Variants in MYH10 observed in about 807,000 individuals in gnomAD.
The protein encoded by MYH10 is myosin-10.
MYH10 carries 55 observed loss-of-function variants against 257.8 expected under a neutral mutation model. The ratio of observed to expected loss-of-function variants is 0.21; its 90% confidence interval spans 0.17 to 0.27. The LOEUF is 0.27. Ranked by LOEUF, MYH10 falls within the 10% of genes least tolerant of loss-of-function variation. The pLI, the probability that MYH10 is intolerant of heterozygous loss-of-function variation, is 1.00. For synonymous variants in MYH10, 854 were observed against 921.7 expected (o/e 0.93, Z 1.33); for missense variants, 1,631 against 2,500.6 (o/e 0.65, Z 7.42).
In MYH10 at chr17:8,513,888, A is replaced by T. The variant is rs2081377296; in HGVS notation, c.2511T>A (p.Phe837Leu). The T allele has an allele frequency of 6.2e-7, 1 of 1,613,712 alleles. No individual in the cohort carries two copies. The highest frequency in any genetic ancestry group is 1.3e-5 in the African/African-American group (1 of 74,934). The change falls in exon 22 of 43, where the codon TTT becomes TTA. Residue 837 changes from phenylalanine to leucine, a missense_variant. By Grantham distance (22) the Phe-to-Leu change is conservative. Around this residue, in one of 11 missense-constraint regions of MYH10, gnomAD observed 116 missense variants for 221.6 expected, o/e 0.52. Coordinates refer to ENST00000360416, the MANE Select transcript of MYH10 (RefSeq NM_001256012.3). The stretch of plus-strand genomic sequence containing the variant: ...CACTTAGTTGCTGCTGCTTCTTGGC[A>T]AAGGCCCTGAAGAACAATAAGAAAA... ...VCRGYLARKA[F>L]AKKQQQLSAL...
chr17:8,509,429 A>C (rs996807432), intron 25 of MYH10, among the ~76,000 whole-genome samples: 3 of 152,232 alleles, frequency 2.0e-5, no homozygotes, highest in African/African-American at 7.2e-5. Flanking sequence ...TGTACTCCAA[A>C]AGGGCAGAAA....
chr17:8,495,752 C>T (rs928861862), intron 30 of MYH10, among the ~76,000 whole-genome samples: 1 of 152,050 alleles, frequency 6.6e-6, no homozygotes, highest in African/African-American at 2.4e-5. Flanking sequence ...CCCTGTCGCC[C>T]TGGCTGGAGT....
chr17:8,610,410 G>C (rs561662788), intron 2 of MYH10, among the ~76,000 whole-genome samples: 2 of 150,542 alleles, frequency 1.3e-5, no homozygotes, highest in East Asian at 3.9e-4. Context: ...GCAATATAGT[G>C]AGACCCCTAT....
Position 8,475,695 on chromosome 17 carries a change from G to A in MYH10, c.*109C>T. 4 of 1,322,536 alleles carry A rather than the reference G, an allele frequency of 3.0e-6. No individual in the cohort carries two copies. Among genetic ancestry groups the A allele is most frequent in the Non-Finnish European group, 4.2e-6 (4 of 950,364 alleles). 81.9% of individuals were successfully genotyped at this position (1,322,536 alleles called of 1,614,324 possible). On this transcript the variant is annotated 3_prime_UTR_variant, in exon 43 of 43. Transcript: ENST00000360416. ...GGCTGGAGAGCCTTAAGACACAGTT[G>A]ATCTTTCAGGAAGGAATCCCGTAGC...
intron 36 of MYH10, 26 bp downstream of exon 36, chr17:8,487,405 CAG>C: frequency 6.2e-7 from 1 of 1,613,122 alleles, no homozygotes; most frequent in Non-Finnish European, 8.5e-7. Context: ...TGGTGCCATC[CAG>C]AGACTCCATG....
intron 7 of MYH10, among the ~76,000 whole-genome samples, chr17:8,556,237 C>G (rs1223425116): frequency 6.6e-6 from 1 of 152,216 alleles, no homozygotes; most frequent in Admixed American, 6.5e-5. Flanking sequence ...ACAGATTACT[C>G]TATGACCCAG....
chr17:8,630,366 G>T (rs891061039), intron 1 of MYH10, among the ~76,000 whole-genome samples: 2 of 147,654 alleles, frequency 1.4e-5, no homozygotes, highest in African/African-American at 2.5e-5. Context: ...TGACCCCCGC[G>T]GGTTTCACAA....
At chr17:8,572,184 G>A (rs1369302191) in intron 6 of MYH10, among the ~76,000 whole-genome samples, 3 of 151,130 alleles carry the variant, frequency 2.0e-5, no homozygotes, top group African/African-American at 7.3e-5. Context: ...TGGCTAAAAG[G>A]ATTATTTGAG....
intron 2 of MYH10, among the ~76,000 whole-genome samples, chr17:8,618,507 G>A (rs1461004364): frequency 2.0e-5 from 3 of 152,168 alleles, no homozygotes; most frequent in Admixed American, 2.0e-4. Context: ...CCAAAGTGCT[G>A]GGATTACAGG....
intron 13 of MYH10, among the ~76,000 whole-genome samples, chr17:8,544,179 T>C (rs1388158377): frequency 1.3e-5 from 2 of 152,220 alleles, no homozygotes; most frequent in Non-Finnish European, 2.9e-5. Flanking sequence ...TTTTCTTTCC[T>C]TTTCTCATGA....
intron 2 of MYH10, among the ~76,000 whole-genome samples, chr17:8,615,221 C>T (rs374100851): frequency 4.0e-5 from 6 of 151,674 alleles, no homozygotes; most frequent in Middle Eastern, 3.2e-3. Flanking sequence ...CAAGGCTGCA[C>T]GAGCTATGAT....
In MYH10 at chr17:8,611,736, G is replaced by A. The variant is rs545494814; in HGVS notation, c.346-6754C>T. ...ATGGGGGAAAAACAAGGATAAAAATGTAGAGGAATGTGAGACCCAGATGGG... is the reference window on the plus strand; with the variant it reads ...ATGGGGGAAAAACAAGGATAAAAATATAGAGGAATGTGAGACCCAGATGGG... On this transcript the variant is annotated intron_variant, in intron 2 of 42. Transcript: ENST00000360416. Among the ~76,000 whole-genome samples the A allele has an allele frequency of 2.0e-5, 3 of 152,334 alleles. No individual in the cohort carries two copies. The South Asian group carries it at 6.2e-4, about 32-fold the overall frequency.
At position 8,553,934 on chromosome 17, in the gene MYH10, T is replaced by C. The variant is rs375334900; in HGVS notation, c.820+21A>G. On this transcript the variant is annotated intron_variant, in intron 8 of 42. Coordinates refer to ENST00000360416, the MANE Select transcript of MYH10 (RefSeq NM_001256012.3). ...CTAAATCCTTCTTTATTTTGGATTATACATTTATGAAAAAGGATACATGTT... is the reference window on the plus strand; with the variant it reads ...CTAAATCCTTCTTTATTTTGGATTACACATTTATGAAAAAGGATACATGTT... The C allele has an allele frequency of 1.3e-4, 203 of 1,596,262 alleles. 1 individual carries two copies. In the African/African-American group the frequency reaches 2.4e-3, roughly 19 times the overall value.
intron 36 of MYH10, 64 bp downstream of exon 36, chr17:8,487,369 T>A (rs1422927334): frequency 6.3e-7 from 1 of 1,594,872 alleles, no homozygotes; most frequent in Non-Finnish European, 8.6e-7. Context: ...ACTGCTGGAC[T>A]CTGTGTAAAA....
intron 30 of MYH10, among the ~76,000 whole-genome samples, chr17:8,497,302 T>TC (rs1324155488): frequency 2.6e-5 from 4 of 152,180 alleles, no homozygotes; most frequent in African/African-American, 9.7e-5. Flanking sequence ...GTACATCTTT[T>TC]CTTACCAATA....
In MYH10 at chr17:8,595,425, C is replaced by CTTTTTTTT. The variant is rs10664342; in HGVS notation, c.503-6325_503-6318dup. ...TGCTGTCTCCCCAGTAAGAACAGTT[C>CTTTTTTTT]TTTTTTTTTTTTTTTTTTTTTTTTG... On this transcript the variant is annotated intron_variant, in intron 3 of 42. Transcript: ENST00000360416. Among the ~76,000 whole-genome samples, 78 of 84,172 alleles carry CTTTTTTTT rather than the reference C, an allele frequency of 9.3e-4. 6 individuals carry two copies. The highest frequency in any genetic ancestry group is 0.015 in the Middle Eastern group (2 of 130). The allele number at this position is 84,172 out of a possible 152,430, so 55.2% of individuals were successfully genotyped here.
chr17:8,476,668 T>C (rs1912683227), intron 42 of MYH10, among the ~76,000 whole-genome samples: 1 of 152,242 alleles, frequency 6.6e-6, no homozygotes, highest in Non-Finnish European at 1.5e-5. Context: ...TGTGGTCCTC[T>C]AGTGACTGGC....
In MYH10 at chr17:8,490,242, C is replaced by T; in HGVS notation, c.4884+98G>A. The T allele has an allele frequency of 1.0e-6, 1 of 1,001,484 alleles. No homozygotes were observed. The highest frequency in any genetic ancestry group is 1.6e-6 in the Non-Finnish European group (1 of 641,134). 62.0% of individuals were successfully genotyped at this position (1,001,484 alleles called of 1,614,324 possible). On this transcript the variant is annotated intron_variant, in intron 35 of 42. Coordinates refer to ENST00000360416, the MANE Select transcript of MYH10 (RefSeq NM_001256012.3). The surrounding 1 kb of genome is among the most constrained non-coding windows in gnomAD (Gnocchi z 4.1). Reference sequence around the variant, plus strand: ...TACTCTATGTGTTACTCTGTGTTTACTCAGATGTGTTCTAACACGAATGAA... The same window carrying T: ...TACTCTATGTGTTACTCTGTGTTTATTCAGATGTGTTCTAACACGAATGAA...
chr17:8,510,699 T>C (rs954173986), intron 24 of MYH10, among the ~76,000 whole-genome samples: 2 of 152,192 alleles, frequency 1.3e-5, no homozygotes, highest in East Asian at 1.9e-4. Context: ...GTGTATTTAA[T>C]TTAGCTGAAT....
Sources: allele counts gnomAD v4.1 joint callset (sites outside exome capture counted in the v4.1 genomes callset), GRCh38; gene constraint gnomAD v4.1.1; regional missense constraint gnomAD v4.1.1; non-coding constraint Gnocchi (gnomAD v3.1); transcripts MANE v1.5; gene names NCBI Gene and HGNC (gene_info 2026-07-23, HGNC 2026-07-21).